PAK3: variants seen among roughly 807,000 people sequenced by gnomAD.
The protein encoded by PAK3 is serine/threonine-protein kinase PAK 3.
In PAK3, 4 loss-of-function variants were observed where a neutral mutation model predicts 41.0. The ratio of observed to expected loss-of-function variants is 0.10; its 90% confidence interval spans 0.05 to 0.22. The LOEUF is 0.22. Ranked by LOEUF, PAK3 falls within the 10% of genes least tolerant of loss-of-function variation. PAK3 has a pLI of 1.00. For missense variants in PAK3, 205 were observed against 409.9 expected (o/e 0.50, Z 4.32); for synonymous variants, 146 against 139.6 (o/e 1.05, Z -0.32).
At chrX:111,043,483 G>T (rs1335208898) in intron 1 of PAK3, among the ~76,000 whole-genome samples, 1 of 111,212 alleles carries the variant, frequency 9.0e-6, no homozygotes, top group Non-Finnish European at 1.9e-5. Context: ...GTCTGTTTCT[G>T]CTGTTTGCTC....
chrX:111,032,140 A>G (rs2092347245), intron 1 of PAK3, among the ~76,000 whole-genome samples: 1 of 111,887 alleles, frequency 8.9e-6, no homozygotes, highest in African/African-American at 3.2e-5. Context: ...TGGCTTCATC[A>G]GGGGGCCATA....
chrX:111,018,214 C>T (rs1461064413), intron 1 of PAK3, among the ~76,000 whole-genome samples: 1 of 110,935 alleles, frequency 9.0e-6, no homozygotes, highest in Admixed American at 9.6e-5. Flanking sequence ...CTCTATTGAA[C>T]ATAGTATTAG....
intron 11 of PAK3, among the ~76,000 whole-genome samples, chrX:111,175,005 A>G (rs12558049): frequency 1.8e-5 from 2 of 111,569 alleles, no homozygotes; most frequent in Admixed American, 1.9e-4. Flanking sequence ...ATACCTTCCC[A>G]AGTCTATATA....
chrX:111,149,653 T>C (rs1029546533), intron 7 of PAK3, among the ~76,000 whole-genome samples: 1 of 112,551 alleles, frequency 8.9e-6, no homozygotes, highest in Non-Finnish European at 1.9e-5. Flanking sequence ...AAGCTGTATG[T>C]TGGCCCCTTT....
chrX:111,134,503 T>A (rs2093760746), intron 5 of PAK3, among the ~76,000 whole-genome samples: 1 of 112,065 alleles, frequency 8.9e-6, no homozygotes, highest in Non-Finnish European at 1.9e-5. Context: ...TGCTTTTTCA[T>A]TAAACATTGA....
chrX:110,993,109 T>C (rs1295242457), intron 1 of PAK3, among the ~76,000 whole-genome samples: 1 of 111,872 alleles, frequency 8.9e-6, no homozygotes, highest in Non-Finnish European at 1.9e-5. Context: ...GTGCAATGAT[T>C]ATATTCTAGG....
intron 16 of PAK3, among the ~76,000 whole-genome samples, chrX:111,204,614 T>C (rs1202555990): frequency 9.0e-6 from 1 of 111,526 alleles, no homozygotes. Context: ...TTTCTGACCT[T>C]TATTGTCATT....
intron 4 of PAK3, among the ~76,000 whole-genome samples, chrX:111,111,258 C>T (rs192637494): frequency 5.3e-4 from 59 of 112,180 alleles, no homozygotes; most frequent in African/African-American, 1.8e-3. Flanking sequence ...ACAGTTTTTC[C>T]ACCACATGTG....
chrX:111,019,505 G>A (rs1385316906), intron 1 of PAK3, among the ~76,000 whole-genome samples: 1 of 88,529 alleles, frequency 1.1e-5, no homozygotes, highest in African/African-American at 4.1e-5. Context: ...ACCAGCCTGG[G>A]CAACATGGCA....
At chrX:111,105,802 C>T (rs1053772475) in intron 4 of PAK3, among the ~76,000 whole-genome samples, 8 of 111,434 alleles carry the variant, frequency 7.2e-5, no homozygotes, top group African/African-American at 2.6e-4. Context: ...CACTGAAATA[C>T]AACCATACAC....
rs189114539 is a variant in PAK3, at chrX:111,129,359, G to A, written c.175+6081G>A. Among the ~76,000 whole-genome samples the A allele has an allele frequency of 2.7e-5, 3 of 111,388 alleles. No homozygotes were observed. The East Asian group carries it at 8.5e-4, about 31-fold the overall frequency. ...ATCAGAGACTGCTACATCCTGAATG[G>A]TGCTTACATTCTTGGTTCTGCAAAT... On this transcript the variant is annotated intron_variant, in intron 5 of 17. Coordinates refer to ENST00000372007, the MANE Select transcript of PAK3 (RefSeq NM_002578.5).
intron 1 of PAK3, among the ~76,000 whole-genome samples, chrX:111,085,420 C>T (rs1569308544): frequency 8.9e-6 from 1 of 112,034 alleles, no homozygotes; most frequent in African/African-American, 3.2e-5. Flanking sequence ...TTGCAATTAA[C>T]CAGAGGATCA....
Position 111,099,183 on chromosome X carries a change from C to T in PAK3, c.-176+1499C>T, listed in dbSNP as rs374025808. Among the ~76,000 whole-genome samples the T allele has an allele frequency of 9.8e-5, 11 of 112,591 alleles. No homozygotes were observed. The East Asian group carries it at 2.8e-3, about 29-fold the overall frequency. ...CTATTTCCATTTCCTCCCAGATATG[C>T]GTCGCTTCCTACCGCGCTCTGTGGC... On this transcript the variant is annotated intron_variant, in intron 3 of 17. Transcript: ENST00000372007.
intron 1 of PAK3, among the ~76,000 whole-genome samples, chrX:111,048,688 C>G (rs2092525796): frequency 8.9e-6 from 1 of 112,013 alleles, no homozygotes. Flanking sequence ...GGCTCCCCCT[C>G]AAAAACGTAT....
intron 16 of PAK3, among the ~76,000 whole-genome samples, chrX:111,210,151 A>T (rs1408452917): frequency 9.0e-6 from 1 of 111,647 alleles, no homozygotes; most frequent in African/African-American, 3.3e-5. Flanking sequence ...TATTTCTAAC[A>T]TTATAAATAA....
Position 110,968,762 on chromosome X carries a change from T to C in PAK3, c.-28+24134T>C, listed in dbSNP as rs191319208. Among the ~76,000 whole-genome samples the C allele has an allele frequency of 3.4e-3, 379 of 111,597 alleles. 1 individual carries two copies. Among genetic ancestry groups the C allele is most frequent in the Non-Finnish European group, 5.9e-3 (311 of 53,124 alleles). ...GATGCATGATTTGCAAATATATATATTTTTTCAGTCTTCAGCTTTTCTTTT... is the reference window on the plus strand; with the variant it reads ...GATGCATGATTTGCAAATATATATACTTTTTCAGTCTTCAGCTTTTCTTTT... On this transcript the variant is annotated intron_variant, in intron 1 of 14. Transcript: ENST00000425146.
intron 1 of PAK3, among the ~76,000 whole-genome samples, chrX:110,972,975 T>A (rs763680674): frequency 1.5e-3 from 167 of 110,891 alleles, no homozygotes; most frequent in Admixed American, 4.4e-3. Context: ...TGATTGAAGA[T>A]CAAATTAATG....
At chrX:111,139,467 A>ATT (rs11442426) in intron 5 of PAK3, among the ~76,000 whole-genome samples, 2 of 111,364 alleles carry the variant, frequency 1.8e-5, no homozygotes, top group African/African-American at 6.6e-5. Context: ...GAGGATCATA[A>ATT]TTTTTTTTCA....
At chrX:110,972,442 G>A (rs999363916) in intron 1 of PAK3, among the ~76,000 whole-genome samples, 21 of 111,746 alleles carry the variant, frequency 1.9e-4, no homozygotes, top group African/African-American at 5.5e-4. Context: ...GATCTTCAGC[G>A]AACTCCAACA....
Sources: gnomAD v4.1 joint callset for allele counts (sites outside exome capture counted in the v4.1 genomes callset) on GRCh38, gnomAD v4.1.1 for gene constraint, MANE v1.5 for transcripts, NCBI Gene and HGNC (gene_info 2026-07-23, HGNC 2026-07-21) for gene names.